The following RPH3A variants were observed in gnomAD, a reference collection of about 807,000 sequenced individuals.
RPH3A encodes rabphilin-3A.
A neutral mutation model predicts 102.2 loss-of-function variants in RPH3A; 48 were observed. The ratio of observed to expected loss-of-function variants is 0.47; its 90% CI spans 0.37 to 0.60. The LOEUF (loss-of-function observed/expected upper bound fraction) is 0.60, where lower values mean the gene tolerates loss of function less well. RPH3A is among the 20% of genes least tolerant of loss of function. The pLI is 0.00. For synonymous variants in RPH3A, 310 were observed against 324.3 expected, an observed-to-expected ratio of 0.96 and a Z score of 0.47; for missense variants, 781 against 910.1, an observed-to-expected ratio of 0.86 and a Z score of 1.83.
chr12:112,725,728 T>A (rs1475687382), intron 1 of RPH3A, among the ~76,000 whole-genome samples: 1 of 151,958 alleles, frequency 6.6e-6, no homozygotes, highest in Admixed American at 6.6e-5. Context: ...TAAAATTATT[T>A]TAAAATTTTT....
chr12:112,644,829 T>C (rs2039916700), intron 1 of RPH3A, among the ~76,000 whole-genome samples: 1 of 152,126 alleles, frequency 6.6e-6, no homozygotes. Context: ...TAGATAGCTA[T>C]ATAATAAAAG....
rs181326868 is a variant in RPH3A at position 112,810,793 on chromosome 12, A to T, written c.-18-17508A>T. On this transcript the variant is annotated intron_variant, in intron 2 of 21. Transcript: ENST00000389385. ...ATAGATAACAGCCTAAATTACTAAC[A>T]TCTGTCCCACTTAATATTCTTCATT... 5.3e-5 allele frequency among the ~76,000 whole-genome samples: 8 copies of T among 152,354 alleles called. No individual in the cohort carries two copies. The East Asian group carries it at 1.5e-3, about 29-fold the overall frequency.
At chr12:112,657,083 C>T (rs776732172) in intron 1 of RPH3A, among the ~76,000 whole-genome samples, 1 of 152,118 alleles carries the variant, frequency 6.6e-6, no homozygotes, top group Non-Finnish European at 1.5e-5. Flanking sequence ...TCCCTTTCCT[C>T]CACATCCTTG....
intron 1 of RPH3A, among the ~76,000 whole-genome samples, chr12:112,702,737 TG>T (rs1565853009): frequency 6.6e-6 from 1 of 152,212 alleles, no homozygotes; most frequent in Non-Finnish European, 1.5e-5. Flanking sequence ...CCCCCAAAAA[TG>T]TTCTGCTGGT....
intron 1 of RPH3A, among the ~76,000 whole-genome samples, chr12:112,782,793 A>G (rs2041018434): frequency 1.3e-5 from 2 of 152,066 alleles, no homozygotes; most frequent in Admixed American, 6.5e-5. Context: ...ATGTGCCACT[A>G]TTTATTTAAA....
At chr12:112,803,600 T>A (rs1030868508) in intron 2 of RPH3A, among the ~76,000 whole-genome samples, 2 of 151,606 alleles carry the variant, frequency 1.3e-5, no homozygotes, top group African/African-American at 2.4e-5. Flanking sequence ...ATTGCAATTG[T>A]GAAGATAAAG....
At chr12:112,868,399 A>C in intron 7 of RPH3A, 31 bp from the exon 8 acceptor site, 1 of 1,602,312 alleles carries the variant, frequency 6.2e-7, no homozygotes, top group Non-Finnish European at 8.5e-7. Flanking sequence ...CTTGGCTGCC[A>C]CATCTTCAAT....
chr12:112,769,171 A>C (rs369168201), intron 1 of RPH3A, among the ~76,000 whole-genome samples: 135 of 152,290 alleles, frequency 8.9e-4, no homozygotes, highest in African/African-American at 3.1e-3. Flanking sequence ...CCTATAATAA[A>C]CTTTCTGAGA....
At chr12:112,879,076 A>T in intron 13 of RPH3A, 43 bp from the exon 14 acceptor site, 1 of 1,498,642 alleles carries the variant, frequency 6.7e-7, no homozygotes, top group East Asian at 2.3e-5. Context: ...TTGCTGAGTG[A>T]CTGAATATTC....
intron 1 of RPH3A, among the ~76,000 whole-genome samples, chr12:112,759,666 T>C (rs1410898304): frequency 2.6e-5 from 4 of 152,144 alleles, no homozygotes; most frequent in Non-Finnish European, 5.9e-5. Flanking sequence ...AAGGTGAGAT[T>C]AAAGGATAGG....
intron 5 of RPH3A, among the ~76,000 whole-genome samples, chr12:112,848,154 G>A (rs1593077576): frequency 6.6e-6 from 1 of 152,052 alleles, no homozygotes; most frequent in Admixed American, 6.5e-5. Flanking sequence ...AGGGAAAGAG[G>A]AGATGTCATT....
intron 1 of RPH3A, among the ~76,000 whole-genome samples, chr12:112,646,934 C>T (rs1293878882): frequency 6.6e-6 from 1 of 152,156 alleles, no homozygotes; most frequent in Non-Finnish European, 1.5e-5. Flanking sequence ...CTTTTGCTAA[C>T]ACTGGAGGGT....
At chr12:112,817,637 C>A (rs61942343) in intron 2 of RPH3A, among the ~76,000 whole-genome samples, 3,206 of 152,010 alleles carry the variant, frequency 0.021, 60 homozygotes, top group Non-Finnish European at 0.027. Flanking sequence ...TTAATGCCAG[C>A]TCTCTCATCC....
intron 1 of RPH3A, among the ~76,000 whole-genome samples, chr12:112,677,989 G>A (rs541471554): frequency 1.3e-5 from 2 of 152,042 alleles, no homozygotes; most frequent in South Asian, 4.2e-4. Context: ...CCAGGAGTTC[G>A]AGACTAGCCT....
intron 1 of RPH3A, among the ~76,000 whole-genome samples, chr12:112,649,150 G>A (rs1309859044): frequency 1.3e-5 from 2 of 152,338 alleles, no homozygotes; most frequent in East Asian, 3.9e-4. Context: ...ATTTATTTGT[G>A]TGGTTCTTTG....
intron 2 of RPH3A, among the ~76,000 whole-genome samples, chr12:112,802,777 T>A (rs930839646): frequency 1.3e-5 from 2 of 150,930 alleles, no homozygotes; most frequent in Non-Finnish European, 2.9e-5. Flanking sequence ...CTCTGTCCAT[T>A]CCCCAGGGCC....
chr12:112,893,739 G>A (rs950658171), intron 19 of RPH3A: 3 of 152,248 alleles, frequency 2.0e-5, no homozygotes, highest in African/African-American at 7.2e-5. Flanking sequence ...ATGTTGCCCA[G>A]GCCGGTCTGG....
intron 3 of RPH3A, among the ~76,000 whole-genome samples, chr12:112,829,319 G>C (rs936269669): frequency 2.6e-5 from 4 of 151,682 alleles, no homozygotes; most frequent in Admixed American, 2.6e-4. Context: ...CTTTGCCCAG[G>C]CTGAAGCGTA....
rs960919404 is a variant in RPH3A at position 112,896,928 on chromosome 12, G to A, written c.*148G>A. 1.8e-5 allele frequency: 14 copies of A among 770,680 alleles called. No homozygotes were observed. Among genetic ancestry groups the A allele is most frequent in the Non-Finnish European group, 2.1e-5 (10 of 487,774 alleles). The allele number at this position is 770,680 out of a possible 1,614,324, so 47.7% of individuals were successfully genotyped here. On this transcript the variant is annotated 3_prime_UTR_variant, in exon 22 of 22. Coordinates refer to ENST00000389385, the MANE Select transcript of RPH3A (RefSeq NM_001143854.2). ...CCTGCCTTTGAGCCCCCGTCACGTT[G>A]GGCACTGCTGCCAAAGACTCCCTCC...
Sources: allele counts gnomAD v4.1 joint callset (sites outside exome capture counted in the v4.1 genomes callset), GRCh38; gene constraint gnomAD v4.1.1; transcripts MANE v1.5; gene names NCBI Gene and HGNC (gene_info 2026-07-23, HGNC 2026-07-21).